Variants in DCDC1 observed in about 807,000 individuals in gnomAD.
DCDC1 encodes doublecortin domain containing 1.
DCDC1 carries 200 observed loss-of-function variants against 178.3 expected under a neutral mutation model. The ratio of observed to expected loss-of-function variants is 1.12; its 90% CI spans 1.00 to 1.26. DCDC1 has a LOEUF of 1.26. DCDC1 is among the 50% of genes most tolerant of loss of function. DCDC1 has a pLI of 0.00. For missense variants in DCDC1, 1,983 were observed against 1,749.2 expected (o/e 1.13, Z -2.38); for synonymous variants, 690 against 604.8 (o/e 1.14, Z -2.07).
intron 2 of DCDC1, among the ~76,000 whole-genome samples, chr11:31,333,668 G>A (rs1263154403): frequency 2.6e-5 from 4 of 152,088 alleles, no homozygotes; most frequent in South Asian, 2.1e-4. Flanking sequence ...GAAATTCTGG[G>A]TTAAAAATTC....
chr11:31,225,579 T>G (rs1974833932), intron 9 of DCDC1, among the ~76,000 whole-genome samples: 1 of 150,552 alleles, frequency 6.6e-6, no homozygotes, highest in Admixed American at 6.6e-5. Flanking sequence ...TATATATACA[T>G]ATGCATACAT....
chr11:30,866,699 CTG>C (rs1031637658), intron 38 of DCDC1, among the ~76,000 whole-genome samples: 1 of 152,036 alleles, frequency 6.6e-6, no homozygotes, highest in Non-Finnish European at 1.5e-5. Flanking sequence ...GCCTTCAGAA[CTG>C]TGAGACAACA....
intron 9 of DCDC1, among the ~76,000 whole-genome samples, chr11:31,213,122 T>C (rs1172296071): frequency 2.0e-4 from 25 of 126,328 alleles, no homozygotes; most frequent in East Asian, 6.3e-4. Flanking sequence ...TCTCTCTCTC[T>C]CTCTCTCTCT....
chr11:30,919,243 T>C lies in DCDC1; in HGVS notation c.3293+1533A>G, dbSNP rs113336354. On this transcript the variant is annotated intron_variant, in intron 25 of 38. Transcript: ENST00000684477. The stretch of plus-strand genomic sequence containing the variant: ...GTATAGGGCATAGTACAGAGAAACA[T>C]ATGGAATAATAAGATGGAGATGGTC... 5.8e-3 allele frequency among the ~76,000 whole-genome samples: 889 copies of C among 152,160 alleles called. 10 individuals are homozygous for C. Among genetic ancestry groups the C allele is most frequent in the African/African-American group, 0.02 (845 of 41,506 alleles).
chr11:30,932,083 A>G (rs549589260), intron 21 of DCDC1, 131 bp from the exon 22 acceptor site: 2 of 729,190 alleles, frequency 2.7e-6, no homozygotes, highest in African/African-American at 3.6e-5. Context: ...TGGGGTACCT[A>G]AGATGCTCCA....
intron 9 of DCDC1, among the ~76,000 whole-genome samples, chr11:31,235,534 T>TA (rs1289288773): frequency 6.6e-6 from 1 of 152,042 alleles, no homozygotes; most frequent in African/African-American, 2.4e-5. Flanking sequence ...GTACAGAGGA[T>TA]AAATGATTTT....
At chr11:31,042,666 T>C (rs1954545525) in intron 20 of DCDC1, among the ~76,000 whole-genome samples, 1 of 152,172 alleles carries the variant, frequency 6.6e-6, no homozygotes, top group Non-Finnish European at 1.5e-5. Context: ...AACCCATAGA[T>C]ATCAAACATA....
intron 27 of DCDC1, 30 bp downstream of exon 27, chr11:30,915,481 A>G (rs1945766533): frequency 6.2e-7 from 1 of 1,612,234 alleles, no homozygotes; most frequent in South Asian, 1.1e-5. Flanking sequence ...TCACCTTTTG[A>G]TATAGTAAAC....
At chr11:31,189,703 C>T (rs925140161) in intron 9 of DCDC1, among the ~76,000 whole-genome samples, 2 of 152,136 alleles carry the variant, frequency 1.3e-5, no homozygotes, top group African/African-American at 4.8e-5. Flanking sequence ...TCACATCACT[C>T]TCTCTCCCTG....
chr11:31,287,616 T>G (rs1946931707), intron 7 of DCDC1, among the ~76,000 whole-genome samples: 1 of 152,032 alleles, frequency 6.6e-6, no homozygotes, highest in Non-Finnish European at 1.5e-5. Flanking sequence ...GATATCAGAC[T>G]TCTCAACAGC....
chr11:31,347,624 T>C (rs1354253559), intron 1 of DCDC1, among the ~76,000 whole-genome samples: 1 of 152,188 alleles, frequency 6.6e-6, no homozygotes, highest in Non-Finnish European at 1.5e-5. Flanking sequence ...GACCACCCTA[T>C]ATGTATCCTG....
At chr11:31,047,991 A>G (rs911778615) in intron 20 of DCDC1, among the ~76,000 whole-genome samples, 3 of 152,186 alleles carry the variant, frequency 2.0e-5, no homozygotes, top group Admixed American at 2.0e-4. Context: ...CATTTACCGA[A>G]CATTTACTAT....
intron 20 of DCDC1, among the ~76,000 whole-genome samples, chr11:30,968,711 T>TTATACATATATA (rs1949596705): frequency 1.6e-5 from 1 of 61,058 alleles, no homozygotes; most frequent in Non-Finnish European, 3.1e-5. Flanking sequence ...ATATATCAAA[T>TTATACATATATA]TATATATATA....
At chr11:31,086,318 T>A (rs1365483153) in intron 17 of DCDC1, among the ~76,000 whole-genome samples, 1 of 152,180 alleles carries the variant, frequency 6.6e-6, no homozygotes, top group East Asian at 1.9e-4. Context: ...TCATTGTAGG[T>A]TTATTTGGCA....
chr11:31,100,445 A>C (rs1317601199), intron 15 of DCDC1, among the ~76,000 whole-genome samples: 1 of 152,202 alleles, frequency 6.6e-6, no homozygotes, highest in Non-Finnish European at 1.5e-5. Context: ...CAAACTCAAC[A>C]ACAATTTTCA....
intron 1 of DCDC1, among the ~76,000 whole-genome samples, chr11:31,343,017 G>A (rs1426575837): frequency 6.6e-6 from 1 of 152,072 alleles, no homozygotes; most frequent in Non-Finnish European, 1.5e-5. Context: ...TATAATCCCA[G>A]TATTTTCAGA....
At chr11:31,036,888 A>G in intron 20 of DCDC1, among the ~76,000 whole-genome samples, 1 of 152,220 alleles carries the variant, frequency 6.6e-6, no homozygotes, top group East Asian at 1.9e-4. Context: ...GCATTGATAA[A>G]CTATTACATG....
intron 20 of DCDC1, among the ~76,000 whole-genome samples, chr11:31,059,158 T>C (rs1201477706): frequency 6.6e-6 from 1 of 152,122 alleles, no homozygotes; most frequent in Non-Finnish European, 1.5e-5. Context: ...TTGAAAATCT[T>C]TGAGAATTTC....
At chr11:31,252,289 G>T (rs989755490) in intron 8 of DCDC1, among the ~76,000 whole-genome samples, 3 of 152,082 alleles carry the variant, frequency 2.0e-5, no homozygotes, top group African/African-American at 7.2e-5. Context: ...GAAAGATCTG[G>T]ACAGGCTAAA....
Sources: allele counts gnomAD v4.1 joint callset (sites outside exome capture counted in the v4.1 genomes callset), GRCh38; gene constraint gnomAD v4.1.1; transcripts MANE v1.5; gene names NCBI Gene and HGNC (gene_info 2026-07-23, HGNC 2026-07-21).